SYN3: variants seen among roughly 807,000 people sequenced by gnomAD.
SYN3 encodes the protein synapsin-3.
In SYN3, 35 loss-of-function variants were observed where a neutral mutation model predicts 65.8. The observed-to-expected ratio is 0.53, with a 90% CI of 0.41 to 0.70. The LOEUF (loss-of-function observed/expected upper bound fraction) is 0.70. Among genes scored for constraint, SYN3 ranks in the 30% least tolerant of loss-of-function variants. The pLI is 0.00. For synonymous variants in SYN3, 270 were observed against 292.9 expected, an observed-to-expected ratio of 0.92 and a Z score of 0.80; for missense variants, 680 against 749.0, an observed-to-expected ratio of 0.91 and a Z score of 1.08.
chr22:32,793,622 T>C (rs141559758), intron 6 of SYN3, among the ~76,000 whole-genome samples: 73 of 152,300 alleles, frequency 4.8e-4, no homozygotes, highest in African/African-American at 1.6e-3. Context: ...CAATGTTTGG[T>C]GAATATTTGA....
chr22:32,647,596 G>A (rs887953001), intron 6 of SYN3, among the ~76,000 whole-genome samples: 3 of 151,702 alleles, frequency 2.0e-5, no homozygotes, highest in African/African-American at 7.3e-5. Context: ...ACAGATGTGT[G>A]CCACTGTTCC....
intron 6 of SYN3, among the ~76,000 whole-genome samples, chr22:32,787,777 C>A (rs1421970402): frequency 6.6e-6 from 1 of 152,160 alleles, no homozygotes; most frequent in African/African-American, 2.4e-5. Flanking sequence ...GCTCCAGTGA[C>A]TGGGGATGGC....
At position 32,528,897 on chromosome 22, in the gene SYN3, C is replaced by T. The variant is rs1200000105; in HGVS notation, c.1207G>A (p.Ala403Thr). The change falls in exon 11 of 14, where the codon GCG becomes ACG. Residue 403 changes from alanine (A) to threonine (T), a missense_variant. Coordinates refer to ENST00000358763, the MANE Select transcript of SYN3 (RefSeq NM_003490.4). ...ACCCAAGGTCTGAGGGGGGAGGGCG[C>T]TGTGCCTCCTGGCATCGGGAGCTGG... ...MSQLPMPGGT[A>T]PSPLRPWAPQ... 6.2e-7 allele frequency: 1 copy of T among 1,614,146 alleles called. No homozygotes were observed. The highest frequency in any genetic ancestry group is 1.7e-5 in the Admixed American group (1 of 60,030).
rs144714131 is a variant in SYN3, at chr22:32,934,565, T to C, written c.370-3084A>G. On this transcript the variant is annotated intron_variant, in intron 3 of 13. Coordinates refer to ENST00000358763, the MANE Select transcript of SYN3 (RefSeq NM_003490.4). ...TAACTGTCTAAAACCTTCAGCACCA[T>C]GGAAATGAACACAGAGGTGTCCAAA... is the stretch of plus-strand genomic sequence containing the variant. 7.5e-4 allele frequency among the ~76,000 whole-genome samples: 114 copies of C among 152,318 alleles called. No homozygotes were observed. In the East Asian group the frequency reaches 0.017, roughly 22 times the overall value.
intron 6 of SYN3, among the ~76,000 whole-genome samples, chr22:32,773,788 C>T (rs2045837274): frequency 6.6e-6 from 1 of 152,114 alleles, no homozygotes; most frequent in African/African-American, 2.4e-5. Flanking sequence ...ATTACAGGGC[C>T]TGCAACTGAA....
intron 6 of SYN3, among the ~76,000 whole-genome samples, chr22:32,729,494 G>A (rs2061241930): frequency 6.6e-6 from 1 of 152,186 alleles, no homozygotes; most frequent in Non-Finnish European, 1.5e-5. Context: ...AAAGTAACTG[G>A]GAACTACAGT....
chr22:32,950,772 T>C (rs2051266416), intron 3 of SYN3, among the ~76,000 whole-genome samples: 1 of 152,188 alleles, frequency 6.6e-6, no homozygotes, highest in African/African-American at 2.4e-5. Flanking sequence ...GCAGAGGAAC[T>C]AAGGGTAGCG....
intron 1 of SYN3, among the ~76,000 whole-genome samples, chr22:33,024,948 G>A (rs541456956): frequency 2.1e-4 from 32 of 152,318 alleles, no homozygotes; most frequent in African/African-American, 5.3e-4. Flanking sequence ...CGTGAAGGAC[G>A]TGAAAGTGAT....
chr22:32,658,325 T>A (rs1569131420), intron 6 of SYN3, among the ~76,000 whole-genome samples: 1 of 152,176 alleles, frequency 6.6e-6, no homozygotes. Flanking sequence ...GGTGTTTGAC[T>A]TCCCCCAACC....
chr22:32,525,503 C>T (rs2057960895), intron 12 of SYN3, among the ~76,000 whole-genome samples: 1 of 151,910 alleles, frequency 6.6e-6, no homozygotes, highest in Non-Finnish European at 1.5e-5. Context: ...GTCGGGAGAT[C>T]GAGACCAGCC....
intron 6 of SYN3, among the ~76,000 whole-genome samples, chr22:32,685,078 C>T (rs1305713774): frequency 3.3e-5 from 5 of 152,076 alleles, no homozygotes; most frequent in African/African-American, 1.2e-4. Context: ...ACTACAGCAG[C>T]GGAGCCAGGT....
At chr22:32,774,125 A>G (rs2045846716) in intron 6 of SYN3, among the ~76,000 whole-genome samples, 1 of 152,124 alleles carries the variant, frequency 6.6e-6, no homozygotes, top group Non-Finnish European at 1.5e-5. Flanking sequence ...CGGATCTTGG[A>G]TTGATCCTGG....
At chr22:32,822,744 G>A (rs2047287074) in intron 6 of SYN3, among the ~76,000 whole-genome samples, 1 of 152,132 alleles carries the variant, frequency 6.6e-6, no homozygotes, top group African/African-American at 2.4e-5. Flanking sequence ...AAAGGAGGTG[G>A]GTGTGGCCCT....
At chr22:32,513,922 A>C in intron 13 of SYN3, 98 bp from the exon 14 acceptor site, 1 of 1,497,362 alleles carries the variant, frequency 6.7e-7, no homozygotes, top group South Asian at 1.2e-5. Flanking sequence ...GGCTACCCCA[A>C]TCATCATAAG....
chr22:32,527,338 G>A (rs567365572), intron 12 of SYN3, among the ~76,000 whole-genome samples: 3 of 152,290 alleles, frequency 2.0e-5, no homozygotes, highest in East Asian at 1.9e-4. Context: ...AAAGGCTCAC[G>A]CCTGTAATCC....
intron 7 of SYN3, among the ~76,000 whole-genome samples, chr22:32,596,448 A>G (rs1324612555): frequency 1.3e-5 from 2 of 152,200 alleles, no homozygotes; most frequent in Non-Finnish European, 2.9e-5. Flanking sequence ...TAGCAATTCC[A>G]GGTAGGATTT....
chr22:32,607,676 A>T (rs556206462), intron 6 of SYN3, among the ~76,000 whole-genome samples: 3 of 152,354 alleles, frequency 2.0e-5, no homozygotes, highest in African/African-American at 7.2e-5. Flanking sequence ...CAAAAAACAA[A>T]TATTCCATTA....
intron 3 of SYN3, among the ~76,000 whole-genome samples, chr22:32,948,527 G>A (rs1408440681): frequency 6.6e-6 from 1 of 152,098 alleles, no homozygotes; most frequent in South Asian, 2.1e-4. Context: ...ACAAGGTCAG[G>A]AGATCGAGAC....
intron 6 of SYN3, among the ~76,000 whole-genome samples, chr22:32,599,910 G>A (rs893217866): frequency 3.9e-5 from 6 of 152,090 alleles, no homozygotes; most frequent in Admixed American, 6.5e-5. Flanking sequence ...GCAGAGTGAG[G>A]CAGCATGGCA....
Sources: allele counts gnomAD v4.1 joint callset (sites outside exome capture counted in the v4.1 genomes callset), GRCh38; gene constraint gnomAD v4.1.1; transcripts MANE v1.5; gene names NCBI Gene and HGNC (gene_info 2026-07-23, HGNC 2026-07-21).